Variants in PTGER4 observed in about 807,000 individuals in gnomAD.
PTGER4 encodes the protein prostaglandin E2 receptor EP4 subtype.
PTGER4 carries 11 observed loss-of-function variants against 33.2 expected under a neutral mutation model. The observed-to-expected ratio is 0.33, with a 90% CI of 0.21 to 0.55. PTGER4 has a LOEUF of 0.55. Among genes scored for constraint, PTGER4 ranks in the 20% least tolerant of loss-of-function variants. The probability of loss-of-function intolerance (pLI) is 0.92; values close to 1 mark genes in which losing one functional copy is unlikely to be tolerated. For synonymous variants in PTGER4, 275 were observed against 281.5 expected, an observed-to-expected ratio of 0.98 and a Z score of 0.23; for missense variants, 481 against 650.2, an observed-to-expected ratio of 0.74 and a Z score of 2.83.
At chr5:40,694,104 G>C (rs1741534744), downstream of PTGER4, among the ~76,000 whole-genome samples, 1 of 151,998 alleles carries the variant, frequency 6.6e-6, no homozygotes. Context: ...AGACTAGAGT[G>C]CATTGGCACA....
the PTGER4 span, among the ~76,000 whole-genome samples, chr5:40,725,520 A>G: frequency 6.6e-6 from 1 of 152,220 alleles, no homozygotes; most frequent in Non-Finnish European, 1.5e-5. Flanking sequence ...GCACATTGGC[A>G]TGAAGAAAAG....
rs1299760485 is a variant in PTGER4, at chr5:40,680,311, C to G, written c.-211C>G. On this transcript the variant is annotated 5_prime_UTR_variant, in exon 1 of 3. Coordinates refer to ENST00000302472, the MANE Select transcript of PTGER4 (RefSeq NM_000958.3). The surrounding 1 kb of genome is among the most constrained non-coding windows in gnomAD (Gnocchi z 5.5). ...AGTTTTTGAAAGCTGGCAACTCTGA[C>G]CTCGGTGTCCAAAAATCGACAGCCA... The G allele has an allele frequency of 6.5e-6, 1 of 152,834 alleles. No homozygotes were observed. Among genetic ancestry groups the G allele is most frequent in the Non-Finnish European group, 1.5e-5 (1 of 68,386 alleles). The allele number at this position is 152,834 out of a possible 1,614,324, so 9.5% of individuals were successfully genotyped here.
the PTGER4 span, chr5:40,716,415 C>G: frequency 6.2e-7 from 1 of 1,613,826 alleles, no homozygotes; most frequent in Non-Finnish European, 8.5e-7. Flanking sequence ...GCTCCTGGAG[C>G]GTTCTTGCCC....
At chr5:40,730,212 C>A in the PTGER4 span, 1 of 1,440,962 alleles carries the variant, frequency 6.9e-7, no homozygotes, top group Non-Finnish European at 9.6e-7. Context: ...ACTCACCGAA[C>A]AAACATAGCA....
chr5:40,696,655 A>T (rs1372232649), downstream of PTGER4: 1 of 984,368 alleles, frequency 1.0e-6, no homozygotes, highest in Non-Finnish European at 1.2e-6. Flanking sequence ...TTGCCAGGCC[A>T]TCAACCCCAT....
chr5:40,711,457 T>A, the PTGER4 span, among the ~76,000 whole-genome samples: 110 of 152,154 alleles, frequency 7.2e-4, no homozygotes, highest in Non-Finnish European at 1.2e-3. Context: ...ATGGTACAGA[T>A]AATTTGGAAA....
chr5:40,693,388 C>G lies in PTGER4; in HGVS notation c.*1010C>G. The stretch of plus-strand genomic sequence containing the variant: ...TAGTTTTACTTTCCTAAGGAATTAC[C>G]AAGAATATCCTTTAAAATTTAAAAG... On this transcript the variant is annotated 3_prime_UTR_variant, in exon 3 of 3. Transcript: ENST00000302472. 1.0e-6 allele frequency: 1 copy of G among 984,332 alleles called. No individual in the cohort carries two copies. The highest frequency in any genetic ancestry group is 1.2e-6 in the Non-Finnish European group (1 of 828,724). 61.0% of individuals were successfully genotyped at this position (984,332 alleles called of 1,614,324 possible).
the PTGER4 span, chr5:40,714,733 T>G: frequency 6.6e-6 from 1 of 152,366 alleles, no homozygotes; most frequent in Non-Finnish European, 1.5e-5. Context: ...TCTCCAACCC[T>G]GAAAAGAGAT....
At chr5:40,734,428 C>A in the PTGER4 span, among the ~76,000 whole-genome samples, 5 of 152,232 alleles carry the variant, frequency 3.3e-5, no homozygotes, top group African/African-American at 1.2e-4. Context: ...TCTGATTCCG[C>A]CAGTTTAAGG....
rs1326392452 is a variant in PTGER4, at chr5:40,683,397, A to C, written c.867+1537A>C. The stretch of plus-strand genomic sequence containing the variant: ...CCAATATAATTTACAGAGTTAAGTC[A>C]CACTTGAGCCACATAAATATATTTT... On this transcript the variant is annotated intron_variant, in intron 2 of 2. Transcript: ENST00000302472. This position sits in a 1 kb window ranked among gnomAD's most constrained non-coding sequence, Gnocchi z 4.2. 1.3e-5 allele frequency among the ~76,000 whole-genome samples: 2 copies of C among 152,224 alleles called. No homozygotes were observed. The highest frequency in any genetic ancestry group is 3.8e-4 in the East Asian group (2 of 5,202).
At chr5:40,740,684 T>A in the PTGER4 span, among the ~76,000 whole-genome samples, 1 of 152,218 alleles carries the variant, frequency 6.6e-6, no homozygotes, top group African/African-American at 2.4e-5. Flanking sequence ...TTTCTTTAGA[T>A]AATATGACAG....
chr5:40,742,606 G>A, the PTGER4 span, among the ~76,000 whole-genome samples: 1 of 152,134 alleles, frequency 6.6e-6, no homozygotes, highest in Non-Finnish European at 1.5e-5. Context: ...CATAAACAAA[G>A]CCTTCTGTAC....
chr5:40,725,214 T>C, the PTGER4 span, among the ~76,000 whole-genome samples: 1 of 151,126 alleles, frequency 6.6e-6, no homozygotes, highest in Non-Finnish European at 1.5e-5. Context: ...TCCAAACTCC[T>C]GGCCTCAAGC....
chr5:40,738,555 A>AAT, the PTGER4 span, among the ~76,000 whole-genome samples: 4 of 138,360 alleles, frequency 2.9e-5, no homozygotes, highest in East Asian at 2.6e-4. Context: ...AATAAAATAA[A>AAT]ATAAAATAAA....
the PTGER4 span, among the ~76,000 whole-genome samples, chr5:40,711,026 T>C: frequency 5.0e-4 from 76 of 152,196 alleles, no homozygotes; most frequent in African/African-American, 1.7e-3. Flanking sequence ...TGTATACATA[T>C]GTAACAAACC....
At chr5:40,722,522 C>T in the PTGER4 span, among the ~76,000 whole-genome samples, 2 of 151,730 alleles carry the variant, frequency 1.3e-5, no homozygotes, top group Non-Finnish European at 2.9e-5. Context: ...CCCACCTCCC[C>T]GTCTGGAATG....
chr5:40,746,740 G>T, the PTGER4 span: 1 of 1,276,532 alleles, frequency 7.8e-7, no homozygotes, highest in South Asian at 1.4e-5. Flanking sequence ...TCCCATTACG[G>T]ACAGTGAGCT....
At chr5:40,731,601 T>A in the PTGER4 span, among the ~76,000 whole-genome samples, 1 of 152,124 alleles carries the variant, frequency 6.6e-6, no homozygotes, top group African/African-American at 2.4e-5. Flanking sequence ...ATCCATAAGA[T>A]CTCGTGAGAA....
chr5:40,741,391 T>A, the PTGER4 span, among the ~76,000 whole-genome samples: 1 of 152,198 alleles, frequency 6.6e-6, no homozygotes, highest in South Asian at 2.1e-4. Context: ...TGAATAGCTC[T>A]CCGCTCTGTA....
Sources: allele counts gnomAD v4.1 joint callset (sites outside exome capture counted in the v4.1 genomes callset), GRCh38; gene constraint gnomAD v4.1.1; non-coding constraint Gnocchi (gnomAD v3.1); transcripts MANE v1.5; gene names NCBI Gene and HGNC (gene_info 2026-07-23, HGNC 2026-07-21).